The following NANS variants were observed in gnomAD, a reference collection of about 807,000 sequenced individuals.
NANS encodes N-acetylneuraminate synthase.
NANS carries 29 observed loss-of-function variants against 33.3 expected under a neutral mutation model. The observed-to-expected ratio is 0.87, with a 90% CI of 0.65 to 1.19. NANS has a LOEUF of 1.19. Among genes scored for constraint, NANS ranks in the 50% most tolerant of loss-of-function variants. The pLI, the probability that NANS is intolerant of heterozygous loss-of-function variation, is 0.00. For missense variants in NANS, 394 were observed against 461.1 expected (o/e 0.85, Z 1.33); for synonymous variants, 163 against 177.2 (o/e 0.92, Z 0.64).
chr9:98,062,528 A>G (rs1452869787), intron 2 of NANS, among the ~76,000 whole-genome samples: 1 of 152,216 alleles, frequency 6.6e-6, no homozygotes, highest in Non-Finnish European at 1.5e-5. Flanking sequence ...AAACTGACCC[A>G]TAATCCCTCT....
At chr9:98,072,154 C>A (rs1273165594) in intron 2 of NANS, among the ~76,000 whole-genome samples, 1 of 152,170 alleles carries the variant, frequency 6.6e-6, no homozygotes, top group African/African-American at 2.4e-5. Context: ...CTTGGAGCCG[C>A]AGTGGCCCCC....
At chr9:98,082,047 T>C (rs1829888598) in intron 5 of NANS, 2 of 152,178 alleles carry the variant, frequency 1.3e-5, no homozygotes, top group Non-Finnish European at 2.9e-5. Context: ...CAAGCAGAAT[T>C]GATTCCTTGT....
intron 2 of NANS, among the ~76,000 whole-genome samples, chr9:98,073,265 C>T (rs932727475): frequency 7.9e-5 from 11 of 139,978 alleles, no homozygotes; most frequent in African/African-American, 3.0e-4. Context: ...AGCTCATCAC[C>T]ATGGGCTTTT....
At chr9:98,081,187 G>GA (rs1829844788) in intron 5 of NANS, 105 bp downstream of exon 5, 1 of 1,473,792 alleles carries the variant, frequency 6.8e-7, no homozygotes, top group African/African-American at 1.4e-5. Context: ...CCAGGCTGAT[G>GA]AAATGATCAG....
At position 98,081,023 on chromosome 9, in the gene NANS, C is replaced by T. The variant is rs145067627; in HGVS notation, c.811C>T (p.Arg271Cys). ...GGTGCGGTCAGTGCGTCTTGTGGAG[C>T]GTGCCCTGGGCTCCCCAACCAAGCA... ...ELVRSVRLVERALGSPTKQLL... is the reference protein window; with the variant it reads ...ELVRSVRLVECALGSPTKQLL... The change falls in exon 5 of 6, where the codon CGT becomes TGT. Residue 271 changes from arginine to cysteine, a missense_variant. Physicochemically the swap from Arg to Cys is radical, Grantham distance 180. Transcript: ENST00000210444. The T allele has an allele frequency of 1.3e-4, 217 of 1,614,208 alleles. 2 individuals are homozygous for T. The Middle Eastern group carries it at 2.6e-3, about 20-fold the overall frequency.
At chr9:98,065,706 C>G (rs1052111097) in intron 2 of NANS, among the ~76,000 whole-genome samples, 4 of 151,370 alleles carry the variant, frequency 2.6e-5, no homozygotes, top group Non-Finnish European at 5.9e-5. Context: ...GAAATCTCAA[C>G]TTGAATTTTA....
rs761597906 is a variant in NANS, at chr9:98,056,929, C to T, written c.121C>T (p.Arg41Cys). The stretch of plus-strand genomic sequence containing the variant: ...CCTGGACGTAGCCAAGCGCATGATC[C>T]GCATGGCCAAGGTGAGGCGGCAGCT... ...GDLDVAKRMI[R>C]MAKECGADCA... Residue 41 changes from arginine to cysteine, a missense_variant, in exon 1 of 6, where the codon CGC becomes TGC. Physicochemically the swap from Arg to Cys is radical, Grantham distance 180. Transcript: ENST00000210444. The T allele has an allele frequency of 3.1e-6, 5 of 1,599,632 alleles. No homozygotes were observed. The East Asian group carries it at 9.2e-5, about 30-fold the overall frequency.
intron 2 of NANS, among the ~76,000 whole-genome samples, chr9:98,072,964 G>A (rs1012593385): frequency 7.2e-5 from 11 of 152,322 alleles, no homozygotes; most frequent in Non-Finnish European, 1.2e-4. Context: ...CAAGAAAACC[G>A]TCAGGGCTTC....
chr9:98,074,491 A>G (rs933658788), intron 2 of NANS, among the ~76,000 whole-genome samples: 7 of 152,132 alleles, frequency 4.6e-5, no homozygotes, highest in African/African-American at 1.7e-4. Context: ...CTTAGGGCTG[A>G]AAGTTAGGAT....
intron 3 of NANS, chr9:98,077,925 T>C (rs1037659360): frequency 2.0e-6 from 1 of 489,716 alleles, no homozygotes; most frequent in African/African-American, 1.9e-5. Context: ...CTCATTTTCC[T>C]CTTGGCAGTG....
intron 1 of NANS, among the ~76,000 whole-genome samples, chr9:98,059,482 A>G (rs1828915364): frequency 6.6e-6 from 1 of 152,104 alleles, no homozygotes; most frequent in East Asian, 1.9e-4. Context: ...TGGCACCATC[A>G]TAGCTCATTG....
At chr9:98,057,979 G>A (rs1269758226) in intron 1 of NANS, among the ~76,000 whole-genome samples, 2 of 126,970 alleles carry the variant, frequency 1.6e-5, no homozygotes, top group African/African-American at 6.3e-5. Flanking sequence ...CTGGAGTGCA[G>A]TGGCATGATC....
chr9:98,065,226 G>GATT (rs1157736512), intron 2 of NANS, among the ~76,000 whole-genome samples: 4 of 151,524 alleles, frequency 2.6e-5, no homozygotes, highest in Non-Finnish European at 1.5e-5. Context: ...AAATAAATAG[G>GATT]ATTGTTTTTC....
At chr9:98,065,308 CTTTTTT>C (rs758040892) in intron 2 of NANS, among the ~76,000 whole-genome samples, 12 of 92,754 alleles carry the variant, frequency 1.3e-4, no homozygotes, top group African/African-American at 5.4e-4. Flanking sequence ...ACTCCTGGTG[CTTTTTT>C]TTTTTTTTTT....
chr9:98,070,014 G>A (rs779329639), intron 2 of NANS, among the ~76,000 whole-genome samples: 10 of 152,094 alleles, frequency 6.6e-5, no homozygotes, highest in Non-Finnish European at 1.3e-4. Context: ...GGAAACTGGG[G>A]GAAGAGTATA....
chr9:98,080,848 A>T lies in NANS; in HGVS notation c.636A>T (p.Ile212=). 1 of 1,605,262 alleles carries T rather than the reference A, an allele frequency of 6.2e-7. No homozygotes were observed. Among genetic ancestry groups the T allele is most frequent in the Non-Finnish European group, 8.5e-7 (1 of 1,173,616 alleles). ...AGAAGCTCTTTCCTGACATTCCCATAGGGTATTCTGGGCATGAAACAGGCA... is the reference window on the plus strand; with the variant it reads ...AGAAGCTCTTTCCTGACATTCCCATTGGGTATTCTGGGCATGAAACAGGCA... ...EYQKLFPDIP[I]GYSGHETGIA... is the part of the protein sequence containing the mutation. Residue 212 remains isoleucine (I), a synonymous_variant, in exon 5 of 6, where the codon ATA becomes ATT. Coordinates refer to ENST00000210444, the MANE Select transcript of NANS (RefSeq NM_018946.4).
At chr9:98,070,254 A>G (rs1182440605) in intron 2 of NANS, among the ~76,000 whole-genome samples, 1 of 152,116 alleles carries the variant, frequency 6.6e-6, no homozygotes, top group Non-Finnish European at 1.5e-5. Context: ...AGTAGCTGGG[A>G]CTACAGGTGT....
At chr9:98,072,024 T>C (rs1829357282) in intron 2 of NANS, among the ~76,000 whole-genome samples, 1 of 152,224 alleles carries the variant, frequency 6.6e-6, no homozygotes, top group Non-Finnish European at 1.5e-5. Flanking sequence ...TTGGTTTTCC[T>C]TCCCTCTGCT....
intron 1 of NANS, among the ~76,000 whole-genome samples, chr9:98,060,408 C>T (rs569951530): frequency 2.6e-5 from 4 of 152,312 alleles, no homozygotes; most frequent in South Asian, 4.1e-4. Context: ...GTGACTCATG[C>T]CTGTAATCCC....
Sources: gnomAD v4.1 joint callset for allele counts (sites outside exome capture counted in the v4.1 genomes callset) on GRCh38, gnomAD v4.1.1 for gene constraint, MANE v1.5 for transcripts, NCBI Gene and HGNC (gene_info 2026-07-23, HGNC 2026-07-21) for gene names.